The following MAP3K7CL variants were observed in gnomAD, a reference collection of about 807,000 sequenced individuals.
The protein encoded by MAP3K7CL is MAP3K7 C-terminal like.
MAP3K7CL carries 16 observed loss-of-function variants against 18.6 expected under a neutral mutation model. That is an observed-to-expected ratio of 0.86 (90% CI 0.58 to 1.31). MAP3K7CL has a LOEUF of 1.31. MAP3K7CL is among the 50% of genes most tolerant of loss of function. MAP3K7CL has a pLI of 0.00. For missense variants in MAP3K7CL, 163 were observed against 174.4 expected, an observed-to-expected ratio of 0.93 and a Z score of 0.37; for synonymous variants, 65 against 66.8, an observed-to-expected ratio of 0.97 and a Z score of 0.13.
chr21:29,113,971 GGT>G (rs2086463211), intron 4 of MAP3K7CL, among the ~76,000 whole-genome samples: 2 of 152,060 alleles, frequency 1.3e-5, no homozygotes, highest in Admixed American at 1.3e-4. Context: ...TCTTTTTAGA[GGT>G]ATCATTTCTG....
intron 4 of MAP3K7CL, among the ~76,000 whole-genome samples, chr21:29,099,976 G>T (rs915062976): frequency 6.6e-6 from 1 of 151,874 alleles, no homozygotes; most frequent in East Asian, 1.9e-4. Flanking sequence ...CCAGCTACTC[G>T]GGAGGCTGAG....
At chr21:29,104,264 CGG>C (rs951803497) in intron 4 of MAP3K7CL, among the ~76,000 whole-genome samples, 2 of 151,572 alleles carry the variant, frequency 1.3e-5, no homozygotes, top group Non-Finnish European at 2.9e-5. Context: ...TTTTTTTTCT[CGG>C]GGTTTTTTCT....
intron 4 of MAP3K7CL, among the ~76,000 whole-genome samples, chr21:29,119,662 CTTTT>C (rs58443653): frequency 7.4e-6 from 1 of 135,112 alleles, no homozygotes; most frequent in Non-Finnish European, 1.6e-5. Flanking sequence ...AATCCTAAAA[CTTTT>C]TTTTTTTTTT....
At chr21:29,123,046 AGAAATGATCTTT>A (rs1444895013) in intron 4 of MAP3K7CL, among the ~76,000 whole-genome samples, 3 of 78,850 alleles carry the variant, frequency 3.8e-5, no homozygotes, top group Non-Finnish European at 5.6e-5. Context: ...ATACTGGAGA[AGAAATGATCTTT>A]TTTTTTTTTT....
At chr21:29,164,506 C>G (rs1412313240) in intron 4 of MAP3K7CL, among the ~76,000 whole-genome samples, 1 of 152,144 alleles carries the variant, frequency 6.6e-6, no homozygotes, top group Non-Finnish European at 1.5e-5. Flanking sequence ...GGTTTGAACT[C>G]CAAACTGAAC....
At chr21:29,154,089 C>G (rs2146703224) in intron 3 of MAP3K7CL, among the ~76,000 whole-genome samples, 1 of 152,264 alleles carries the variant, frequency 6.6e-6, no homozygotes, top group African/African-American at 2.4e-5. Flanking sequence ...GTTATTTACT[C>G]TCTTGAAAGC....
chr21:29,165,313 T>C (rs954069293), intron 4 of MAP3K7CL, among the ~76,000 whole-genome samples: 1 of 152,136 alleles, frequency 6.6e-6, no homozygotes, highest in Non-Finnish European at 1.5e-5. Flanking sequence ...TTGAAGAATG[T>C]TTTATTTATT....
intron 1 of MAP3K7CL, among the ~76,000 whole-genome samples, chr21:29,078,997 T>C (rs2085794103): frequency 6.6e-6 from 1 of 152,200 alleles, no homozygotes; most frequent in African/African-American, 2.4e-5. Flanking sequence ...CTCCTTGAGG[T>C]CATTGTTCTG....
At chr21:29,133,616 G>A (rs1029269425) in intron 2 of MAP3K7CL, among the ~76,000 whole-genome samples, 2 of 152,010 alleles carry the variant, frequency 1.3e-5, no homozygotes, top group African/African-American at 4.8e-5. Context: ...TTGAGTTTTC[G>A]GGTCATTTAA....
chr21:29,132,434 C>T (rs1413692545), intron 1 of MAP3K7CL, among the ~76,000 whole-genome samples: 1 of 152,072 alleles, frequency 6.6e-6, no homozygotes, highest in Non-Finnish European at 1.5e-5. Flanking sequence ...GGTAGACTTA[C>T]AGGTAGTTAA....
At chr21:29,145,376 T>C (rs560912973) in intron 2 of MAP3K7CL, among the ~76,000 whole-genome samples, 1 of 152,350 alleles carries the variant, frequency 6.6e-6, no homozygotes, top group South Asian at 2.1e-4. Flanking sequence ...ACTTAACTGC[T>C]GTCAGGAACT....
chr21:29,118,997 T>C (rs918800934), intron 4 of MAP3K7CL, among the ~76,000 whole-genome samples: 2 of 152,208 alleles, frequency 1.3e-5, no homozygotes, highest in African/African-American at 4.8e-5. Flanking sequence ...ACTTCCCACT[T>C]TTATGAGATG....
At chr21:29,123,065 T>C (rs1330326957) in intron 4 of MAP3K7CL, among the ~76,000 whole-genome samples, 6 of 145,224 alleles carry the variant, frequency 4.1e-5, no homozygotes, top group African/African-American at 1.0e-4. Flanking sequence ...CTTTTTTTTT[T>C]TTTTTTTTTT....
upstream of MAP3K7CL, among the ~76,000 whole-genome samples, chr21:29,129,775 G>A (rs183232628): frequency 8.4e-4 from 128 of 152,334 alleles, no homozygotes; most frequent in Non-Finnish European, 1.4e-3. Flanking sequence ...CCACCAGCAC[G>A]GAATGAAAGT....
chr21:29,119,698 T>C (rs1336813740), intron 4 of MAP3K7CL, among the ~76,000 whole-genome samples: 1 of 151,154 alleles, frequency 6.6e-6, no homozygotes, highest in Non-Finnish European at 1.5e-5. Flanking sequence ...GTTTCACTCT[T>C]GTTGCCCAGG....
chr21:29,085,811 A>G (rs757722568), upstream of MAP3K7CL: 22 of 1,584,034 alleles, frequency 1.4e-5, no homozygotes, highest in South Asian at 1.8e-4. Context: ...TATATCCCCC[A>G]GGTGAAAGAC....
At chr21:29,174,595 G>GA in intron 4 of MAP3K7CL, 117 bp from the exon 5 acceptor site, 7 of 1,315,826 alleles carry the variant, frequency 5.3e-6, no homozygotes, top group Non-Finnish European at 7.3e-6. Context: ...GTAGAGATGG[G>GA]AAAAAATTCA....
At chr21:29,172,195 A>AT (rs398121592) in intron 4 of MAP3K7CL, among the ~76,000 whole-genome samples, 64,003 of 131,780 alleles carry the variant, frequency 0.49, 14,628 homozygotes, top group African/African-American at 0.61. Context: ...CTTCAAAACT[A>AT]TTTTTTTTTC....
intron 4 of MAP3K7CL, 106 bp downstream of exon 4, chr21:29,160,162 G>A: frequency 2.7e-6 from 2 of 747,928 alleles, no homozygotes; most frequent in Non-Finnish European, 4.4e-6. Context: ...AGGGAGGCAA[G>A]GGGGTTACAG....
Sources: gnomAD v4.1 joint callset for allele counts (sites outside exome capture counted in the v4.1 genomes callset) on GRCh38, gnomAD v4.1.1 for gene constraint, MANE v1.5 for transcripts, NCBI Gene and HGNC (gene_info 2026-07-23, HGNC 2026-07-21) for gene names.